CCDC91: variants seen among roughly 807,000 people sequenced by gnomAD.
The protein encoded by CCDC91 is coiled-coil domain-containing protein 91.
CCDC91 carries 48 observed loss-of-function variants against 63.2 expected under a neutral mutation model. The observed-to-expected ratio is 0.76, with a 90% CI of 0.60 to 0.97. The LOEUF (loss-of-function observed/expected upper bound fraction) is 0.97, where lower values mean the gene tolerates loss of function less well. CCDC91 is among the 50% of genes least tolerant of loss of function. The pLI is 0.00. For missense variants in CCDC91, 500 were observed against 494.6 expected (o/e 1.01, Z -0.10); for synonymous variants, 167 against 165.8 (o/e 1.01, Z -0.06).
intron 3 of CCDC91, among the ~76,000 whole-genome samples, chr12:28,303,691 C>G (rs941687067): frequency 2.6e-5 from 4 of 152,030 alleles, no homozygotes; most frequent in African/African-American, 7.2e-5. Flanking sequence ...TTACTAAATG[C>G]TTTACATGTT....
intron 1 of CCDC91, among the ~76,000 whole-genome samples, chr12:28,207,446 G>A (rs1942938191): frequency 6.6e-6 from 1 of 152,066 alleles, no homozygotes; most frequent in Non-Finnish European, 1.5e-5. Context: ...TTCTGAAGGG[G>A]TTAATTGTCC....
At chr12:28,419,317 A>T (rs1471007970) in intron 8 of CCDC91, among the ~76,000 whole-genome samples, 1 of 152,162 alleles carries the variant, frequency 6.6e-6, no homozygotes, top group African/African-American at 2.4e-5. Context: ...CACTGGAGTC[A>T]GGCCAACTAG....
At chr12:28,292,018 G>A (rs1396714612) in intron 3 of CCDC91, among the ~76,000 whole-genome samples, 2 of 152,168 alleles carry the variant, frequency 1.3e-5, no homozygotes, top group African/African-American at 2.4e-5. Context: ...GGCCAAATGC[G>A]TTGTTGATGT....
intron 1 of CCDC91, among the ~76,000 whole-genome samples, chr12:28,217,903 G>A (rs896888394): frequency 1.3e-5 from 2 of 152,086 alleles, no homozygotes; most frequent in Non-Finnish European, 2.9e-5. Context: ...TGGCAGCCTG[G>A]TTTACTGTAG....
At chr12:28,519,659 T>C (rs1257858326) in intron 12 of CCDC91, among the ~76,000 whole-genome samples, 1 of 151,706 alleles carries the variant, frequency 6.6e-6, no homozygotes, top group African/African-American at 2.4e-5. Flanking sequence ...CATGTTGGTG[T>C]GCTGCACCCA....
At chr12:28,323,398 CCTT>C (rs1306261803) in intron 6 of CCDC91, among the ~76,000 whole-genome samples, 1 of 151,664 alleles carries the variant, frequency 6.6e-6, no homozygotes, top group South Asian at 2.1e-4. Context: ...CCCTCTTGTC[CCTT>C]CTTATTTGGA....
intron 6 of CCDC91, among the ~76,000 whole-genome samples, chr12:28,309,354 A>G (rs1455008126): frequency 2.6e-5 from 4 of 152,030 alleles, no homozygotes; most frequent in African/African-American, 9.7e-5. Flanking sequence ...AGATGCGAAT[A>G]ATTCTGTCTG....
At chr12:28,495,358 T>G (rs1459611271) in intron 12 of CCDC91, among the ~76,000 whole-genome samples, 1 of 151,728 alleles carries the variant, frequency 6.6e-6, no homozygotes, top group African/African-American at 2.4e-5. Context: ...TAAGTTGGAC[T>G]TTTTTGGATG....
chr12:28,474,866 C>T (rs1407808532), intron 11 of CCDC91, among the ~76,000 whole-genome samples: 1 of 151,952 alleles, frequency 6.6e-6, no homozygotes, highest in African/African-American at 2.4e-5. Flanking sequence ...AATTAAGAAA[C>T]TCACTCAAAA....
intron 7 of CCDC91, among the ~76,000 whole-genome samples, chr12:28,386,263 GC>G (rs1945591999): frequency 6.6e-6 from 1 of 152,116 alleles, no homozygotes; most frequent in African/African-American, 2.4e-5. Context: ...TTACCAAGTA[GC>G]TATTACATCA....
chr12:28,516,156 T>G (rs1242841760), intron 12 of CCDC91, among the ~76,000 whole-genome samples: 1 of 151,924 alleles, frequency 6.6e-6, no homozygotes, highest in African/African-American at 2.4e-5. Flanking sequence ...AGACAGTTAT[T>G]TTCCTCTTCT....
At chr12:28,232,888 G>A (rs1304332725) in intron 1 of CCDC91, among the ~76,000 whole-genome samples, 1 of 151,376 alleles carries the variant, frequency 6.6e-6, no homozygotes, top group African/African-American at 2.4e-5. Flanking sequence ...GGCTGAGGCA[G>A]GAGAATCACT....
At chr12:28,432,404 A>C (rs115642468) in intron 8 of CCDC91, among the ~76,000 whole-genome samples, 2,295 of 152,048 alleles carry the variant, frequency 0.015, 50 homozygotes, top group African/African-American at 0.053. Context: ...CGTGATAGTG[A>C]ATTCTCATGA....
chr12:28,232,167 T>C (rs1388747357), intron 1 of CCDC91, among the ~76,000 whole-genome samples: 1 of 152,186 alleles, frequency 6.6e-6, no homozygotes, highest in Non-Finnish European at 1.5e-5. Flanking sequence ...TTTTTTTATT[T>C]ATAAAAATGT....
intron 8 of CCDC91, among the ~76,000 whole-genome samples, chr12:28,398,609 A>T (rs1946430811): frequency 6.6e-6 from 1 of 152,110 alleles, no homozygotes; most frequent in Non-Finnish European, 1.5e-5. Flanking sequence ...CCAAAGTTTT[A>T]TTATATTTGA....
chr12:28,276,444 A>G (rs1948231441), intron 3 of CCDC91, among the ~76,000 whole-genome samples: 1 of 151,930 alleles, frequency 6.6e-6, no homozygotes, highest in Non-Finnish European at 1.5e-5. Context: ...GAAAATAACT[A>G]TTTTCTTTCT....
intron 8 of CCDC91, among the ~76,000 whole-genome samples, chr12:28,396,536 G>A (rs866477811): frequency 6.6e-6 from 1 of 152,006 alleles, no homozygotes; most frequent in African/African-American, 2.4e-5. Flanking sequence ...AAGTGTGTGG[G>A]TAAGAATAGA....
intron 3 of CCDC91, among the ~76,000 whole-genome samples, chr12:28,275,650 C>T (rs1451437138): frequency 6.6e-6 from 1 of 152,104 alleles, no homozygotes; most frequent in Non-Finnish European, 1.5e-5. Flanking sequence ...ATACCAAAGT[C>T]TGGCAGAGAC....
chr12:28,304,375 TAAAAAAAAAAAAAAAAAA>T (rs777296414), intron 3 of CCDC91, among the ~76,000 whole-genome samples: 4 of 73,584 alleles, frequency 5.4e-5, no homozygotes, highest in African/African-American at 5.9e-5. Context: ...AGACTCCGTC[TAAAAAAAAAAAAAAAAAA>T]AAAAAAAAGA....
Sources: gnomAD v4.1 joint callset for allele counts (sites outside exome capture counted in the v4.1 genomes callset) on GRCh38, gnomAD v4.1.1 for gene constraint, MANE v1.5 for transcripts, NCBI Gene and HGNC (gene_info 2026-07-23, HGNC 2026-07-21) for gene names.